The following TIAM1 variants were observed in gnomAD, a reference collection of about 807,000 sequenced individuals.
The protein encoded by TIAM1 is rho guanine nucleotide exchange factor TIAM1.
In TIAM1, 65 loss-of-function variants were observed where a neutral mutation model predicts 163.5. That is an observed-to-expected ratio of 0.40 (90% CI 0.33 to 0.49). TIAM1 has a LOEUF of 0.49. TIAM1 is among the 20% of genes least tolerant of loss of function. TIAM1 has a pLI of 0.77. For synonymous variants in TIAM1, 833 were observed against 810.1 expected (o/e 1.03, Z -0.48); for missense variants, 1,789 against 2,044.7 (o/e 0.87, Z 2.41).
At chr21:31,136,728 T>C (rs1382038864) in intron 22 of TIAM1, among the ~76,000 whole-genome samples, 1 of 152,220 alleles carries the variant, frequency 6.6e-6, no homozygotes, top group Non-Finnish European at 1.5e-5. Context: ...AGATGTTTTG[T>C]GTTCAGAGAC....
chr21:31,440,514 A>G (rs1244746194), intron 2 of TIAM1, among the ~76,000 whole-genome samples: 1 of 152,256 alleles, frequency 6.6e-6, no homozygotes, highest in Non-Finnish European at 1.5e-5. Context: ...TACAGATGCT[A>G]TCAGGGTTGT....
intron 1 of TIAM1, among the ~76,000 whole-genome samples, chr21:31,551,249 A>G (rs1262548831): frequency 6.6e-6 from 1 of 151,560 alleles, no homozygotes; most frequent in East Asian, 1.9e-4. Context: ...AAGAAAAAAG[A>G]AAAAGAACCA....
At chr21:31,543,058 T>C (rs1432594899) in intron 1 of TIAM1, among the ~76,000 whole-genome samples, 2 of 152,038 alleles carry the variant, frequency 1.3e-5, no homozygotes, top group African/African-American at 4.8e-5. Flanking sequence ...TTTTCTTGGT[T>C]TTCTGGTTTC....
intron 13 of TIAM1, among the ~76,000 whole-genome samples, chr21:31,189,044 C>CTTTT (rs58786753): frequency 0.013 from 903 of 70,072 alleles, 152 homozygotes; most frequent in Non-Finnish European, 0.016. Context: ...TCCATTCCCT[C>CTTTT]TTTTTTTTTT....
chr21:31,302,245 A>G (rs1224160834), intron 2 of TIAM1, among the ~76,000 whole-genome samples: 4 of 152,314 alleles, frequency 2.6e-5, no homozygotes, highest in South Asian at 4.1e-4. Context: ...TTAAACCTTT[A>G]CAACACAAAA....
At chr21:31,338,762 C>T (rs2075931005) in intron 2 of TIAM1, among the ~76,000 whole-genome samples, 1 of 152,200 alleles carries the variant, frequency 6.6e-6, no homozygotes, top group African/African-American at 2.4e-5. Flanking sequence ...CGTCCAGTTT[C>T]ACCGCAGCAG....
At chr21:31,207,252 T>C (rs758500589) in intron 11 of TIAM1, among the ~76,000 whole-genome samples, 66 of 152,240 alleles carry the variant, frequency 4.3e-4, no homozygotes, top group Admixed American at 4.1e-3. Context: ...ATGAATTGTA[T>C]ATGAAATGAA....
chr21:31,446,371 A>T (rs2147313389), intron 2 of TIAM1, among the ~76,000 whole-genome samples: 1 of 152,308 alleles, frequency 6.6e-6, no homozygotes, highest in East Asian at 1.9e-4. Context: ...TCATGACCCA[A>T]ACAGCCATTC....
At chr21:31,506,264 A>ACACACACC (rs765513310) in intron 1 of TIAM1, among the ~76,000 whole-genome samples, 60 of 132,588 alleles carry the variant, frequency 4.5e-4, no homozygotes, top group Admixed American at 1.9e-3. Context: ...ACACACGTAC[A>ACACACACC]CACACACACA....
chr21:31,526,494 T>A (rs954066993), intron 1 of TIAM1, among the ~76,000 whole-genome samples: 2 of 152,206 alleles, frequency 1.3e-5, no homozygotes, highest in African/African-American at 4.8e-5. Flanking sequence ...GAAAAAGAAT[T>A]GCTCAGCAAA....
intron 2 of TIAM1, among the ~76,000 whole-genome samples, chr21:31,437,307 A>T (rs979586094): frequency 1.3e-5 from 2 of 152,126 alleles, no homozygotes; most frequent in African/African-American, 4.8e-5. Context: ...GTTCAAAACC[A>T]GCCTGTGCAA....
chr21:31,474,830 G>A (rs1002295499), intron 1 of TIAM1, among the ~76,000 whole-genome samples: 13 of 151,772 alleles, frequency 8.6e-5, no homozygotes, highest in Non-Finnish European at 1.5e-4. Context: ...ACAGGCCACC[G>A]CTCCCAGCCA....
chr21:31,496,731 C>T lies in TIAM1; in HGVS notation c.-421-32696G>A, dbSNP rs996386665. On this transcript the variant is annotated intron_variant, in intron 1 of 28. Coordinates refer to the TIAM1 transcript ENST00000286827. The stretch of plus-strand genomic sequence containing the variant: ...ACCACTCACTCACTGACCCACTCAC[C>T]GCAACTTCCAGTCCTGCAAGCTCCA... 9.2e-5 allele frequency among the ~76,000 whole-genome samples: 14 copies of T among 152,208 alleles called. No individual in the cohort carries two copies. The South Asian group carries it at 2.3e-3, about 25-fold the overall frequency.
intron 23 of TIAM1, among the ~76,000 whole-genome samples, chr21:31,133,821 G>A (rs1272763078): frequency 6.6e-6 from 1 of 152,180 alleles, no homozygotes; most frequent in African/African-American, 2.4e-5. Context: ...TGTAATCCCA[G>A]CACTTTGGGA....
At chr21:31,454,541 C>T (rs772218923) in intron 2 of TIAM1, among the ~76,000 whole-genome samples, 3 of 152,108 alleles carry the variant, frequency 2.0e-5, no homozygotes, top group Non-Finnish European at 4.4e-5. Context: ...GTGTCCAACC[C>T]AACCCAGCAG....
chr21:31,129,579 G>A (rs904731869), intron 25 of TIAM1, among the ~76,000 whole-genome samples: 2 of 152,190 alleles, frequency 1.3e-5, no homozygotes, highest in African/African-American at 4.8e-5. Context: ...ACTTGGAAAA[G>A]ATAGCTTGAG....
chr21:31,235,593 G>A (rs1031829802), intron 6 of TIAM1, among the ~76,000 whole-genome samples: 8 of 152,164 alleles, frequency 5.3e-5, no homozygotes, highest in African/African-American at 1.4e-4. Flanking sequence ...GTTTTGTATC[G>A]TTGCTTCTAG....
At chr21:31,195,149 T>C (rs943548122) in intron 13 of TIAM1, 75 bp downstream of exon 13, 48 of 1,272,418 alleles carry the variant, frequency 3.8e-5, no homozygotes, top group South Asian at 8.8e-5. Context: ...AGGCATTTTG[T>C]TGAACTGTAA....
At chr21:31,481,750 G>A (rs185463821) in intron 1 of TIAM1, among the ~76,000 whole-genome samples, 8 of 152,228 alleles carry the variant, frequency 5.3e-5, no homozygotes, top group African/African-American at 9.6e-5. Flanking sequence ...CTCTGGAAAC[G>A]CCACCTCACA....
Sources: gnomAD v4.1 joint callset for allele counts (sites outside exome capture counted in the v4.1 genomes callset) on GRCh38, gnomAD v4.1.1 for gene constraint, MANE v1.5 for transcripts, NCBI Gene and HGNC (gene_info 2026-07-23, HGNC 2026-07-21) for gene names.